Variants in NEK11 observed in about 807,000 individuals in gnomAD.
The protein encoded by NEK11 is serine/threonine-protein kinase Nek11.
In NEK11, 72 loss-of-function variants were observed where a neutral mutation model predicts 80.7. That is an observed-to-expected ratio of 0.89 (90% CI 0.74 to 1.08). The LOEUF is 1.08. Among genes scored for constraint, NEK11 ranks in the 50% least tolerant of loss-of-function variants. The pLI is 0.00. For synonymous variants in NEK11, 251 were observed against 260.7 expected (o/e 0.96, Z 0.36); for missense variants, 764 against 763.6 (o/e 1.00, Z -0.01).
chr3:131,251,355 T>TA (rs2095699751), intron 16 of NEK11, among the ~76,000 whole-genome samples: 1 of 151,982 alleles, frequency 6.6e-6, no homozygotes, highest in African/African-American at 2.4e-5. Flanking sequence ...AGTCAATTTT[T>TA]AAAAAGAGGT....
chr3:131,127,460 C>A lies in NEK11; in HGVS notation c.456-5285C>A, dbSNP rs138410898. Among the ~76,000 whole-genome samples, 70 of 150,806 alleles carry A rather than the reference C, an allele frequency of 4.6e-4. No homozygotes were observed. The East Asian group carries it at 0.012, about 27-fold the overall frequency. On this transcript the variant is annotated intron_variant, in intron 5 of 17. Transcript: ENST00000383366. ...TTGATTCCTAGAAAATATATATATG[C>A]ACTCCTAGTGCATATAAAAATATAT... is the stretch of plus-strand genomic sequence containing the variant.
At chr3:131,198,128 G>T (rs924173403) in intron 14 of NEK11, among the ~76,000 whole-genome samples, 3 of 152,084 alleles carry the variant, frequency 2.0e-5, no homozygotes, top group African/African-American at 7.2e-5. Context: ...TCTAGTGCCC[G>T]AGTGAGGGCT....
chr3:131,327,710 T>C (rs1265638893), intron 17 of NEK11: 1 of 144,204 alleles, frequency 6.9e-6, no homozygotes, highest in East Asian at 2.1e-4. Flanking sequence ...CTCCAGAAGA[T>C]GGTGGTTCAA....
chr3:131,097,617 C>T lies in NEK11; in HGVS notation c.337-12186C>T, dbSNP rs78311219. 2.6e-5 allele frequency among the ~76,000 whole-genome samples: 4 copies of T among 151,896 alleles called. No homozygotes were observed. In the South Asian group the frequency reaches 8.3e-4, roughly 32 times the overall value. On this transcript the variant is annotated intron_variant, in intron 4 of 17. Coordinates refer to ENST00000383366, the MANE Select transcript of NEK11 (RefSeq NM_024800.5). ...TTCTTGTAAATCGTGAAGGACCTCTCCAAGGAGAACTGCAAACCACTGCTC... is the reference window on the plus strand; with the variant it reads ...TTCTTGTAAATCGTGAAGGACCTCTTCAAGGAGAACTGCAAACCACTGCTC...
chr3:131,258,346 A>C (rs2095854718), intron 16 of NEK11, among the ~76,000 whole-genome samples: 1 of 149,000 alleles, frequency 6.7e-6, no homozygotes, highest in Non-Finnish European at 1.5e-5. Flanking sequence ...AAAACTTAAA[A>C]AAAGAGAAGG....
chr3:131,152,506 T>C lies in NEK11; in HGVS notation c.766T>C (p.Tyr256His). 6.2e-7 allele frequency: 1 copy of C among 1,613,526 alleles called. No homozygotes were observed. Among genetic ancestry groups the C allele is most frequent in the South Asian group, 1.1e-5 (1 of 90,982 alleles). Residue 256 changes from tyrosine (Y) to histidine (H), a missense_variant, in exon 8 of 18, where the codon TAT (tyrosine) becomes CAT (histidine). Transcript: ENST00000383366. Reference protein sequence around the residue: ...EGDTPSLPERYPKELNAIMES... With the variant: ...EGDTPSLPERHPKELNAIMES... ...TGACACACCTTCTCTCCCTGAGAGA[T>C]ATCCAAAAGAACTAAATGCCATCAT...
At chr3:131,027,478 C>G (rs2109145604) in intron 1 of NEK11, 1 of 151,908 alleles carries the variant, frequency 6.6e-6, no homozygotes, top group Middle Eastern at 3.4e-3. Flanking sequence ...AACCTTTTTT[C>G]TCTCCTTTGG....
At chr3:131,116,087 A>C (rs901297533) in intron 5 of NEK11, among the ~76,000 whole-genome samples, 1 of 151,554 alleles carries the variant, frequency 6.6e-6, no homozygotes, top group African/African-American at 2.4e-5. Flanking sequence ...TTAACTCGTC[A>C]TTTACATTAG....
chr3:131,256,871 A>C (rs2095825040), intron 16 of NEK11, among the ~76,000 whole-genome samples: 1 of 152,110 alleles, frequency 6.6e-6, no homozygotes, highest in Non-Finnish European at 1.5e-5. Context: ...ATAATGTTAG[A>C]TACTGGGCAC....
chr3:131,324,138 T>C (rs1355975955), intron 17 of NEK11, among the ~76,000 whole-genome samples: 1 of 152,156 alleles, frequency 6.6e-6, no homozygotes, highest in Non-Finnish European at 1.5e-5. Flanking sequence ...CAGCTGGGGA[T>C]TTATGGCCAA....
chr3:131,252,180 G>A (rs1466758434), intron 16 of NEK11, among the ~76,000 whole-genome samples: 1 of 152,078 alleles, frequency 6.6e-6, no homozygotes, highest in Non-Finnish European at 1.5e-5. Context: ...TTAAGCTTAA[G>A]TATGTCAGAG....
chr3:131,280,727 C>T (rs2096382957), intron 17 of NEK11, among the ~76,000 whole-genome samples: 1 of 151,976 alleles, frequency 6.6e-6, no homozygotes, highest in Non-Finnish European at 1.5e-5. Context: ...TAAAACTCAC[C>T]CTGTGTGGGT....
chr3:131,081,486 G>T (rs1239665784), intron 4 of NEK11, among the ~76,000 whole-genome samples: 1 of 152,180 alleles, frequency 6.6e-6, no homozygotes, highest in Non-Finnish European at 1.5e-5. Flanking sequence ...AAGTGGGAGA[G>T]GGGAAAGTGG....
chr3:131,097,420 T>C (rs1486093645), intron 4 of NEK11, among the ~76,000 whole-genome samples: 2 of 151,874 alleles, frequency 1.3e-5, no homozygotes, highest in African/African-American at 2.4e-5. Flanking sequence ...TTTTAATGAT[T>C]GCCATTCTAA....
chr3:131,317,287 T>G (rs530964669), intron 17 of NEK11, among the ~76,000 whole-genome samples: 1 of 152,224 alleles, frequency 6.6e-6, no homozygotes, highest in Non-Finnish European at 1.5e-5. Context: ...AAATTTGACC[T>G]GATTCCTCAA....
chr3:131,217,970 A>G (rs984580092), intron 14 of NEK11, among the ~76,000 whole-genome samples: 27 of 152,194 alleles, frequency 1.8e-4, no homozygotes, highest in African/African-American at 5.8e-4. Flanking sequence ...TAGTCATCTG[A>G]GATGTAATTG....
chr3:131,039,569 G>C (rs1412003747), intron 3 of NEK11, among the ~76,000 whole-genome samples: 1 of 152,112 alleles, frequency 6.6e-6, no homozygotes, highest in African/African-American at 2.4e-5. Context: ...CTTCTAAACC[G>C]ATCTGGTTCC....
intron 10 of NEK11, among the ~76,000 whole-genome samples, chr3:131,160,740 A>G (rs2091431080): frequency 6.6e-6 from 1 of 152,212 alleles, no homozygotes; most frequent in African/African-American, 2.4e-5. Flanking sequence ...AAATCTACCA[A>G]GCAAATGGAA....
intron 16 of NEK11, among the ~76,000 whole-genome samples, chr3:131,250,057 C>T (rs961176019): frequency 2.6e-5 from 4 of 151,820 alleles, no homozygotes; most frequent in African/African-American, 9.7e-5. Context: ...GAAAGTATTA[C>T]CTCTGTGAAG....
Sources: allele counts gnomAD v4.1 joint callset (sites outside exome capture counted in the v4.1 genomes callset), GRCh38; gene constraint gnomAD v4.1.1; transcripts MANE v1.5; gene names NCBI Gene and HGNC (gene_info 2026-07-23, HGNC 2026-07-21).